The following PDZRN4 variants were observed in gnomAD, a reference collection of about 807,000 sequenced individuals.
PDZRN4 encodes the protein PDZ domain-containing RING finger protein 4.
PDZRN4 carries 70 observed loss-of-function variants against 99.0 expected under a neutral mutation model. The observed-to-expected ratio is 0.71, with a 90% confidence interval of 0.58 to 0.86. PDZRN4 has a LOEUF of 0.86. Ranked by LOEUF, PDZRN4 falls within the 40% of genes least tolerant of loss-of-function variation. The pLI, the probability that PDZRN4 is intolerant of heterozygous loss-of-function variation, is 0.00. For missense variants in PDZRN4, 1,474 were observed against 1,331.2 expected (o/e 1.11, Z -1.67); for synonymous variants, 551 against 501.6 (o/e 1.10, Z -1.32).
chr12:41,451,620 G>T (rs1952774282), intron 3 of PDZRN4, among the ~76,000 whole-genome samples: 1 of 152,192 alleles, frequency 6.6e-6, no homozygotes, highest in African/African-American at 2.4e-5. Context: ...AAAGCATTTA[G>T]AGCAAATGGT....
intron 3 of PDZRN4, among the ~76,000 whole-genome samples, chr12:41,284,536 GC>G (rs1369870802): frequency 4.6e-5 from 7 of 152,090 alleles, no homozygotes; most frequent in African/African-American, 1.7e-4. Flanking sequence ...CAAAAAAAGA[GC>G]CCATATATGC....
chr12:41,300,619 C>T (rs767251483), intron 3 of PDZRN4, among the ~76,000 whole-genome samples: 72 of 151,858 alleles, frequency 4.7e-4, no homozygotes, highest in African/African-American at 9.2e-4. Context: ...GATACTCATT[C>T]GGCCTCAGGA....
rs181645960 is a variant in PDZRN4, at chr12:41,231,241, G to A, written c.843+37053G>A. On this transcript the variant is annotated intron_variant, in intron 3 of 9. Coordinates refer to ENST00000402685, the MANE Select transcript of PDZRN4 (RefSeq NM_001164595.2). The stretch of plus-strand genomic sequence containing the variant: ...AGTAAGATTGCTCTGTTGCCATTCC[G>A]GGTTTTATAAATTTCTCAATTGCTT... Among the ~76,000 whole-genome samples the A allele has an allele frequency of 1.9e-3, 283 of 152,078 alleles. 1 individual carries two copies. The highest frequency in any genetic ancestry group is 6.4e-3 in the African/African-American group (266 of 41,506).
Position 41,261,337 on chromosome 12 carries a change from C to A in PDZRN4, c.843+67149C>A, listed in dbSNP as rs184232258. Among the ~76,000 whole-genome samples, 844 of 152,198 alleles carry A rather than the reference C, an allele frequency of 5.5e-3. 11 individuals are homozygous for A. The highest frequency in any genetic ancestry group is 5.4e-3 in the Non-Finnish European group (364 of 68,006). ...TATACCTAAGGGAAAATGTGTAAGC[C>A]CCATTCCATGTGGATTATTTGTTAG... On this transcript the variant is annotated intron_variant, in intron 3 of 9. Coordinates refer to ENST00000402685, the MANE Select transcript of PDZRN4 (RefSeq NM_001164595.2).
At chr12:41,209,450 C>T (rs1950873188) in intron 3 of PDZRN4, among the ~76,000 whole-genome samples, 1 of 151,648 alleles carries the variant, frequency 6.6e-6, no homozygotes, top group Non-Finnish European at 1.5e-5. Context: ...CACCCATTAA[C>T]TCGTCATTTA....
chr12:41,571,593 A>C (rs1005126683), intron 9 of PDZRN4, among the ~76,000 whole-genome samples: 2 of 152,192 alleles, frequency 1.3e-5, no homozygotes, highest in Non-Finnish European at 2.9e-5. Flanking sequence ...AATCTTATAC[A>C]ACCCCAATGA....
At chr12:41,552,787 G>A (rs1252834187) in intron 6 of PDZRN4, 33 bp downstream of exon 6, 1 of 1,505,752 alleles carries the variant, frequency 6.6e-7, no homozygotes. Flanking sequence ...AATTCGAGGA[G>A]GGAGACTAGG....
intron 3 of PDZRN4, among the ~76,000 whole-genome samples, chr12:41,449,525 G>A (rs1311928810): frequency 1.3e-5 from 2 of 152,148 alleles, no homozygotes; most frequent in African/African-American, 4.8e-5. Context: ...CCTCAAGGGG[G>A]TTACTATCCA....
intron 4 of PDZRN4, among the ~76,000 whole-genome samples, chr12:41,509,165 G>T (rs1455833204): frequency 6.6e-6 from 1 of 152,012 alleles, no homozygotes; most frequent in Non-Finnish European, 1.5e-5. Context: ...ATTTTCTAAA[G>T]GTATTTTGAA....
intron 3 of PDZRN4, among the ~76,000 whole-genome samples, chr12:41,245,732 C>G (rs568910923): frequency 6.6e-6 from 1 of 152,096 alleles, no homozygotes; most frequent in Non-Finnish European, 1.5e-5. Context: ...GTAACTGTTC[C>G]TATGCTGAGG....
chr12:41,415,444 C>T (rs1304434978), intron 3 of PDZRN4, among the ~76,000 whole-genome samples: 1 of 150,834 alleles, frequency 6.6e-6, no homozygotes, highest in Non-Finnish European at 1.5e-5. Flanking sequence ...TTTACTTTTT[C>T]CTCCTAGAGT....
chr12:41,197,838 C>T (rs577740248), intron 3 of PDZRN4, among the ~76,000 whole-genome samples: 24 of 151,896 alleles, frequency 1.6e-4, no homozygotes, highest in South Asian at 6.2e-4. Context: ...AGTTGAGAAA[C>T]AAAGTTCACT....
chr12:41,359,959 GT>G (rs1287171516), intron 3 of PDZRN4, among the ~76,000 whole-genome samples: 1 of 151,966 alleles, frequency 6.6e-6, no homozygotes, highest in Non-Finnish European at 1.5e-5. Context: ...ACTAGTTGAA[GT>G]TTTCCATCGG....
At chr12:41,535,302 C>A (rs935768936) in intron 5 of PDZRN4, among the ~76,000 whole-genome samples, 1 of 152,074 alleles carries the variant, frequency 6.6e-6, no homozygotes, top group African/African-American at 2.4e-5. Flanking sequence ...TCTCTGGGAC[C>A]CTTTGACCTG....
chr12:41,329,241 G>A (rs1348333914), intron 3 of PDZRN4, among the ~76,000 whole-genome samples: 1 of 152,066 alleles, frequency 6.6e-6, no homozygotes, highest in African/African-American at 2.4e-5. Flanking sequence ...TGCTTGTATT[G>A]CACACACCCA....
intron 3 of PDZRN4, among the ~76,000 whole-genome samples, chr12:41,197,947 C>T (rs1441517367): frequency 8.8e-5 from 2 of 22,790 alleles, no homozygotes; most frequent in African/African-American, 3.5e-4. Context: ...CAGGATCTTG[C>T]TCTGTCACCT....
intron 3 of PDZRN4, among the ~76,000 whole-genome samples, chr12:41,274,871 AG>A (rs1951339906): frequency 6.6e-6 from 1 of 152,142 alleles, no homozygotes; most frequent in African/African-American, 2.4e-5. Context: ...GAAATGTGGT[AG>A]GAAAAAAATG....
At chr12:41,450,646 G>A (rs1419440403) in intron 3 of PDZRN4, among the ~76,000 whole-genome samples, 1 of 151,072 alleles carries the variant, frequency 6.6e-6, no homozygotes, top group African/African-American at 2.5e-5. Flanking sequence ...TTGAGACCAA[G>A]TGCCGTGGCT....
chr12:41,396,063 C>T lies in PDZRN4; in HGVS notation c.844-110393C>T, dbSNP rs145773289. On this transcript the variant is annotated intron_variant, in intron 3 of 9. Transcript: ENST00000402685. ...CCTCCAGTTCATCTTTATTCTGCTG[C>T]ATTTTACTATAAACAGCAAAAAGAA... Among the ~76,000 whole-genome samples the T allele has an allele frequency of 1.8e-3, 268 of 152,160 alleles. 2 individuals carry two copies. The highest frequency in any genetic ancestry group is 6.1e-3 in the African/African-American group (254 of 41,520).
Sources: gnomAD v4.1 joint callset for allele counts (sites outside exome capture counted in the v4.1 genomes callset) on GRCh38, gnomAD v4.1.1 for gene constraint, MANE v1.5 for transcripts, NCBI Gene and HGNC (gene_info 2026-07-23, HGNC 2026-07-21) for gene names.